Variants in SIPA1L3 observed in about 807,000 individuals in gnomAD.
SIPA1L3 encodes signal induced proliferation associated 1 like 3.
In SIPA1L3, 59 loss-of-function variants were observed where a neutral mutation model predicts 150.1. The observed-to-expected ratio is 0.39, with a 90% CI of 0.32 to 0.49. SIPA1L3 has a LOEUF of 0.49. Among genes scored for constraint, SIPA1L3 ranks in the 20% least tolerant of loss-of-function variants. The pLI, the probability that SIPA1L3 is intolerant of heterozygous loss-of-function variation, is 0.86. For synonymous variants in SIPA1L3, 1,070 were observed against 1,077.6 expected, an observed-to-expected ratio of 0.99 and a Z score of 0.14; for missense variants, 2,211 against 2,489.5, an observed-to-expected ratio of 0.89 and a Z score of 2.38.
intron 1 of SIPA1L3, among the ~76,000 whole-genome samples, chr19:38,008,200 G>A (rs1330763029): frequency 1.5e-5 from 2 of 132,244 alleles, no homozygotes; most frequent in Non-Finnish European, 3.2e-5. Flanking sequence ...GAAGAGGTGA[G>A]AAATCACCAT....
intron 1 of SIPA1L3, among the ~76,000 whole-genome samples, chr19:37,979,601 A>G (rs1303727330): frequency 6.6e-6 from 1 of 151,858 alleles, no homozygotes; most frequent in Non-Finnish European, 1.5e-5. Flanking sequence ...ATAAATATTT[A>G]TTGGAACACG....
chr19:38,054,418 C>T (rs1239085028), intron 2 of SIPA1L3, among the ~76,000 whole-genome samples: 1 of 152,190 alleles, frequency 6.6e-6, no homozygotes, highest in African/African-American at 2.4e-5. Flanking sequence ...ACTAGCCTGA[C>T]CAACATGGTG....
intron 1 of SIPA1L3, among the ~76,000 whole-genome samples, chr19:38,011,059 C>T (rs1968085658): frequency 6.6e-6 from 1 of 152,196 alleles, no homozygotes; most frequent in Non-Finnish European, 1.5e-5. Flanking sequence ...GCTGCTAGAA[C>T]ATTTATTTAG....
At chr19:38,112,950 G>A (rs531453653) in intron 8 of SIPA1L3, among the ~76,000 whole-genome samples, 119 of 152,138 alleles carry the variant, frequency 7.8e-4, no homozygotes, top group Admixed American at 2.4e-3. Context: ...GCTCACGCTT[G>A]TAATCCCAGC....
In SIPA1L3 at chr19:37,977,592, C is replaced by G. The variant is rs575958512; in HGVS notation, c.-378-51497C>G. ...TGGCAGTCCCCTCCACGCCCCCCCC[C>G]ACAGAAGTAGGAGGAACGAGGGAGA... On this transcript the variant is annotated intron_variant, in intron 1 of 21. Transcript: ENST00000222345. Among the ~76,000 whole-genome samples, 7 of 152,140 alleles carry G rather than the reference C, an allele frequency of 4.6e-5. No individual in the cohort carries two copies. The East Asian group carries it at 5.8e-4, about 13-fold the overall frequency.
chr19:38,162,176 C>T, intron 13 of SIPA1L3, 77 bp from the exon 14 acceptor site: 1 of 1,133,348 alleles, frequency 8.8e-7, no homozygotes, highest in Non-Finnish European at 1.3e-6. Flanking sequence ...AGCAGACAGT[C>T]TGGCAAAGGG....
At chr19:38,149,305 G>C (rs1186873651) in intron 12 of SIPA1L3, among the ~76,000 whole-genome samples, 1 of 152,150 alleles carries the variant, frequency 6.6e-6, no homozygotes, top group Non-Finnish European at 1.5e-5. Flanking sequence ...TGAGGAAAGA[G>C]AATATCGCTT....
intron 1 of SIPA1L3, among the ~76,000 whole-genome samples, chr19:37,929,645 T>G (rs2046535408): frequency 6.6e-6 from 1 of 152,066 alleles, no homozygotes; most frequent in Non-Finnish European, 1.5e-5. Flanking sequence ...GTCTCACCCA[T>G]CTCTCTGCTC....
chr19:37,941,087 T>TACACACACACACACACACACACAC (rs59368800), intron 1 of SIPA1L3, among the ~76,000 whole-genome samples: 2 of 128,644 alleles, frequency 1.6e-5, no homozygotes, highest in African/African-American at 3.4e-5. Context: ...CACACACACA[T>TACACACACACACACACACACACAC]ACACACACAC....
At chr19:38,179,597 C>A in intron 15 of SIPA1L3, among the ~76,000 whole-genome samples, 1 of 152,112 alleles carries the variant, frequency 6.6e-6, no homozygotes, top group South Asian at 2.1e-4. Flanking sequence ...CAATATTGTC[C>A]TATTTCCTTC....
At chr19:38,002,205 C>T (rs894063411) in intron 1 of SIPA1L3, among the ~76,000 whole-genome samples, 6 of 152,156 alleles carry the variant, frequency 3.9e-5, no homozygotes, top group African/African-American at 9.7e-5. Context: ...TCTCCATCCC[C>T]AAGACCCCAG....
At position 38,173,013 on chromosome 19, in the gene SIPA1L3, G is replaced by T. The variant is rs578074625; in HGVS notation, c.4208+8107G>T. On this transcript the variant is annotated intron_variant, in intron 15 of 21. Transcript: ENST00000222345. ...GCTACTTGGGAGGCTGAGGTTGGAGGATTGCTTGACCCCGGGAAGTGGAGG... is the reference window on the plus strand; with the variant it reads ...GCTACTTGGGAGGCTGAGGTTGGAGTATTGCTTGACCCCGGGAAGTGGAGG... 8.7e-4 allele frequency among the ~76,000 whole-genome samples: 132 copies of T among 152,218 alleles called. 1 individual carries two copies. Among genetic ancestry groups the T allele is most frequent in the African/African-American group, 3.0e-3 (123 of 41,524 alleles).
intron 18 of SIPA1L3, among the ~76,000 whole-genome samples, chr19:38,196,485 A>G (rs1321480623): frequency 7.7e-6 from 1 of 129,048 alleles, no homozygotes; most frequent in African/African-American, 3.0e-5. Context: ...CAGAGTGTGG[A>G]TGTCAAGGCG....
chr19:38,093,713 G>GC, intron 4 of SIPA1L3, among the ~76,000 whole-genome samples: 1 of 152,288 alleles, frequency 6.6e-6, no homozygotes, highest in African/African-American at 2.4e-5. Flanking sequence ...CAGCCAGCCT[G>GC]CCCCAGATGG....
At chr19:38,194,760 T>C (rs1568604627) in intron 18 of SIPA1L3, among the ~76,000 whole-genome samples, 1 of 151,758 alleles carries the variant, frequency 6.6e-6, no homozygotes, top group Non-Finnish European at 1.5e-5. Context: ...CTATTAAAAC[T>C]CCCCTGCAGG....
intron 1 of SIPA1L3, among the ~76,000 whole-genome samples, chr19:38,012,314 G>A (rs909986952): frequency 4.6e-5 from 7 of 151,882 alleles, no homozygotes; most frequent in African/African-American, 1.7e-4. Context: ...TCGAACTCCT[G>A]ACCTCAAGCG....
chr19:37,943,385 TA>T (rs953820134), intron 1 of SIPA1L3, among the ~76,000 whole-genome samples: 1 of 152,088 alleles, frequency 6.6e-6, no homozygotes, highest in Non-Finnish European at 1.5e-5. Flanking sequence ...CTACAGCTGT[TA>T]ATTCATGGTA....
intron 1 of SIPA1L3, among the ~76,000 whole-genome samples, chr19:37,925,590 C>CTTTTTT (rs761234489): frequency 1.8e-5 from 2 of 110,788 alleles, no homozygotes; most frequent in Non-Finnish European, 3.8e-5. Flanking sequence ...TGATTTATTA[C>CTTTTTT]TTTTTTTTTT....
Position 38,162,267 on chromosome 19 carries a change from G to A in SIPA1L3, c.3676G>A (p.Val1226Met), listed in dbSNP as rs768229536. ...TTTTCCTACAGAGCCTTTGTGGCAT[G>A]TGCCTGCCCAGGCCAGGCTCTCAGC... is the stretch of plus-strand genomic sequence containing the variant. ...ERQKPEPLWH[V>M]PAQARLSAIA... Residue 1226 changes from valine (V) to methionine (M), a missense_variant, in exon 14 of 22, where the codon GTG (valine) becomes ATG (methionine). Physicochemically the swap from Val to Met is conservative, Grantham distance 21. Coordinates refer to ENST00000222345, the MANE Select transcript of SIPA1L3 (RefSeq NM_015073.3). 5.6e-6 allele frequency: 9 copies of A among 1,614,074 alleles called. No individual in the cohort carries two copies. The highest frequency in any genetic ancestry group is 1.7e-5 in the Admixed American group (1 of 60,012).
Sources: gnomAD v4.1 joint callset for allele counts (sites outside exome capture counted in the v4.1 genomes callset) on GRCh38, gnomAD v4.1.1 for gene constraint, MANE v1.5 for transcripts, NCBI Gene and HGNC (gene_info 2026-07-23, HGNC 2026-07-21) for gene names.